Variants in ITSN1 observed in about 807,000 individuals in gnomAD.
The protein encoded by ITSN1 is intersectin 1.
A neutral mutation model predicts 239.8 loss-of-function variants in ITSN1; 58 were observed. The observed-to-expected ratio is 0.24, with a 90% CI of 0.20 to 0.30. The LOEUF is 0.30. Ranked by LOEUF, ITSN1 falls within the 10% of genes least tolerant of loss-of-function variation. The pLI is 1.00. For synonymous variants in ITSN1, 780 were observed against 770.8 expected, an observed-to-expected ratio of 1.01 and a Z score of -0.20; for missense variants, 1,558 against 2,103.3, an observed-to-expected ratio of 0.74 and a Z score of 5.07.
At chr21:33,792,455 T>A (rs1490144460) in intron 16 of ITSN1, among the ~76,000 whole-genome samples, 1 of 152,220 alleles carries the variant, frequency 6.6e-6, no homozygotes, top group Non-Finnish European at 1.5e-5. Context: ...TGCTGTAAAT[T>A]ATTTTTTCTG....
Position 33,791,476 on chromosome 21 carries a change from C to T in ITSN1, c.1825-2865C>T, listed in dbSNP as rs1338711432. The stretch of plus-strand genomic sequence containing the variant: ...AAGTGTGTTTAAAAAATTTAAGTAT[C>T]TTTTTTCATGTATTTGATACATTTA... On this transcript the variant is annotated intron_variant, in intron 16 of 39. Transcript: ENST00000381318. Among the ~76,000 whole-genome samples the T allele has an allele frequency of 2.6e-5, 4 of 152,160 alleles. No individual in the cohort carries two copies. In the South Asian group the frequency reaches 8.3e-4, roughly 32 times the overall value.
At chr21:33,680,630 C>G (rs1400796781) in intron 1 of ITSN1, among the ~76,000 whole-genome samples, 1 of 152,212 alleles carries the variant, frequency 6.6e-6, no homozygotes, top group African/African-American at 2.4e-5. Flanking sequence ...TGTGCGTGGC[C>G]TGGTGCCATA....
chr21:33,802,916 A>G (rs2072116083), intron 20 of ITSN1, among the ~76,000 whole-genome samples: 1 of 152,260 alleles, frequency 6.6e-6, no homozygotes, highest in Admixed American at 6.5e-5. Context: ...TTCAAAATAT[A>G]TGAGACCAAG....
intron 29 of ITSN1, among the ~76,000 whole-genome samples, chr21:33,842,009 C>T: frequency 6.7e-6 from 1 of 150,150 alleles, no homozygotes; most frequent in Non-Finnish European, 1.5e-5. Context: ...TCACTGCAAG[C>T]TCTGCCTCAG....
chr21:33,717,727 TTTTG>T (rs1409722830), intron 1 of ITSN1, among the ~76,000 whole-genome samples: 4 of 140,404 alleles, frequency 2.8e-5, no homozygotes, highest in Admixed American at 7.5e-5. Context: ...AGCTAATTTT[TTTTG>T]TGTGTGTGTG....
At chr21:33,803,205 A>G (rs2072142839) in intron 20 of ITSN1, among the ~76,000 whole-genome samples, 1 of 152,248 alleles carries the variant, frequency 6.6e-6, no homozygotes, top group Non-Finnish European at 1.5e-5. Flanking sequence ...AGTGGATATA[A>G]TATACATTGT....
intron 5 of ITSN1, among the ~76,000 whole-genome samples, chr21:33,742,940 A>C (rs1176158864): frequency 6.6e-6 from 1 of 152,246 alleles, no homozygotes; most frequent in Non-Finnish European, 1.5e-5. Flanking sequence ...CCCTGTGGAC[A>C]GTGAAAGCAC....
At chr21:33,875,166 C>A (rs1479611858) in intron 33 of ITSN1, among the ~76,000 whole-genome samples, 188 bp from the exon 34 acceptor site, 3 of 152,174 alleles carry the variant, frequency 2.0e-5, no homozygotes, top group African/African-American at 2.4e-5. Context: ...CCCACTGGAG[C>A]CATCAAGGAG....
Position 33,697,708 on chromosome 21 carries a change from T to TA in ITSN1, c.-32-21088dup, listed in dbSNP as rs201599626. Among the ~76,000 whole-genome samples, 833 of 152,302 alleles carry TA rather than the reference T, an allele frequency of 5.5e-3. 7 individuals carry two copies. Among genetic ancestry groups the TA allele is most frequent in the African/African-American group, 0.019 (800 of 41,564 alleles). ...GTTCTTAAAATTATTGTTTGCTGTT[T>TA]AGAGTTATATTTTTTTTCCAGGAAG... On this transcript the variant is annotated intron_variant, in intron 1 of 39. Coordinates refer to ENST00000381318, the MANE Select transcript of ITSN1 (RefSeq NM_003024.3).
intron 33 of ITSN1, among the ~76,000 whole-genome samples, chr21:33,873,622 G>A (rs1170523118): frequency 3.9e-5 from 6 of 152,212 alleles, no homozygotes; most frequent in East Asian, 3.9e-4. Flanking sequence ...TGTAATCCCC[G>A]CACTTTGGGA....
intron 26 of ITSN1, among the ~76,000 whole-genome samples, chr21:33,828,107 A>C (rs1481871421): frequency 6.6e-6 from 1 of 152,238 alleles, no homozygotes; most frequent in Non-Finnish European, 1.5e-5. Context: ...TCATAGATGA[A>C]GCCCAGGTGG....
chr21:33,794,374 C>G lies in ITSN1; in HGVS notation c.1858C>G (p.Gln620Glu). Residue 620 changes from glutamine (Q) to glutamate (E), a missense_variant, in exon 17 of 40, where the codon CAG becomes GAG. Gln to Glu is a conservative substitution (Grantham distance 29). Coordinates refer to ENST00000381318, the MANE Select transcript of ITSN1 (RefSeq NM_003024.3). ...AGAAATACACAATAAGCAACAACTCCAGAAGCAAAAGTCCATGGAGGCTGA... is the reference window on the plus strand; with the variant it reads ...AGAAATACACAATAAGCAACAACTCGAGAAGCAAAAGTCCATGGAGGCTGA... Reference protein sequence around the residue: ...LREIHNKQQLQKQKSMEAERL... With the variant: ...LREIHNKQQLEKQKSMEAERL... 6.2e-7 allele frequency: 1 copy of G among 1,613,748 alleles called. No individual in the cohort carries two copies. The highest frequency in any genetic ancestry group is 8.5e-7 in the Non-Finnish European group (1 of 1,179,860).
At chr21:33,864,057 TG>T (rs1360047207) in intron 31 of ITSN1, among the ~76,000 whole-genome samples, 1 of 152,170 alleles carries the variant, frequency 6.6e-6, no homozygotes, top group Non-Finnish European at 1.5e-5. Flanking sequence ...GCCAAAAATG[TG>T]GGAGAAAGAA....
chr21:33,720,714 A>C (rs1045806503), intron 2 of ITSN1, among the ~76,000 whole-genome samples: 1 of 152,168 alleles, frequency 6.6e-6, no homozygotes, highest in African/African-American at 2.4e-5. Context: ...CCATCACCAC[A>C]ATCTAATATA....
chr21:33,788,154 A>C (rs563904811), intron 16 of ITSN1, among the ~76,000 whole-genome samples: 16 of 152,296 alleles, frequency 1.1e-4, no homozygotes, highest in Non-Finnish European at 2.1e-4. Context: ...GACAAAATGG[A>C]ATCAGTTTTC....
intron 1 of ITSN1, among the ~76,000 whole-genome samples, chr21:33,711,276 AT>A (rs200640460): frequency 1.4e-4 from 21 of 147,768 alleles, no homozygotes; most frequent in Admixed American, 4.7e-4. Flanking sequence ...TATTTCTACG[AT>A]TTTTTTTTCT....
chr21:33,833,603 C>T (rs2074421280), intron 27 of ITSN1, among the ~76,000 whole-genome samples: 1 of 152,232 alleles, frequency 6.6e-6, no homozygotes, highest in African/African-American at 2.4e-5. Context: ...CGCGGTGGCG[C>T]ACGCCTGTAA....
At chr21:33,840,246 G>A (rs1352207820) in intron 29 of ITSN1, among the ~76,000 whole-genome samples, 1 of 152,180 alleles carries the variant, frequency 6.6e-6, no homozygotes, top group Non-Finnish European at 1.5e-5. Flanking sequence ...TTGAGTACAA[G>A]GGAAAGAAAG....
chr21:33,880,015 C>T (rs1462795717), intron 34 of ITSN1, among the ~76,000 whole-genome samples: 1 of 152,176 alleles, frequency 6.6e-6, no homozygotes, highest in African/African-American at 2.4e-5. Context: ...GCTTACATCC[C>T]CCCTTTGCCA....
Sources: allele counts gnomAD v4.1 joint callset (sites outside exome capture counted in the v4.1 genomes callset), GRCh38; gene constraint gnomAD v4.1.1; transcripts MANE v1.5; gene names NCBI Gene and HGNC (gene_info 2026-07-23, HGNC 2026-07-21).